Variants in SORCS2 observed in about 807,000 individuals in gnomAD.
SORCS2 encodes the protein VPS10 domain-containing receptor SorCS2.
SORCS2 carries 100 observed loss-of-function variants against 141.6 expected under a neutral mutation model. That is an observed-to-expected ratio of 0.71 (90% CI 0.60 to 0.83). The LOEUF (loss-of-function observed/expected upper bound fraction) is 0.83, where lower values mean the gene tolerates loss of function less well. SORCS2 is among the 40% of genes least tolerant of loss of function. The pLI is 0.00. For synonymous variants in SORCS2, 789 were observed against 676.9 expected (o/e 1.17, Z -2.57); for missense variants, 1,646 against 1,560.2 (o/e 1.05, Z -0.93).
intron 4 of SORCS2, among the ~76,000 whole-genome samples, chr4:7,641,777 AATGGATGGATGG>A (rs56032853): frequency 0.029 from 2,284 of 78,686 alleles, 55 homozygotes; most frequent in African/African-American, 0.055. Flanking sequence ...TGGATGGATA[AATGGATGGATGG>A]ATGGATGGAT....
At chr4:7,479,574 C>T (rs906211528) in intron 2 of SORCS2, among the ~76,000 whole-genome samples, 2 of 152,218 alleles carry the variant, frequency 1.3e-5, no homozygotes, top group African/African-American at 2.4e-5. Context: ...GCTGGAGCCC[C>T]CTACCCCTGC....
intron 1 of SORCS2, among the ~76,000 whole-genome samples, chr4:7,366,228 C>T (rs1721876005): frequency 6.6e-6 from 1 of 152,088 alleles, no homozygotes; most frequent in African/African-American, 2.4e-5. Flanking sequence ...CTTCCCTTTC[C>T]TCCCTTCCGT....
chr4:7,280,790 A>G (rs536982043), intron 1 of SORCS2, among the ~76,000 whole-genome samples: 1 of 152,188 alleles, frequency 6.6e-6, no homozygotes, highest in Non-Finnish European at 1.5e-5. Context: ...TGATTGTAGC[A>G]AGGGATGGAT....
At chr4:7,416,032 C>T (rs138283545) in intron 2 of SORCS2, among the ~76,000 whole-genome samples, 109 of 152,276 alleles carry the variant, frequency 7.2e-4, no homozygotes, top group African/African-American at 2.5e-3. Flanking sequence ...TGGAGGGACC[C>T]TAAGGAGTTT....
rs539153011 is a variant in SORCS2 at position 7,623,564 on chromosome 4, C to T, written c.649-14764C>T. Reference sequence around the variant, plus strand: ...GGGGCCTTCCAAACTCCCTGTTGCCCGACCTGTGGCATCCAGTCCTGCTCC... The same window carrying T: ...GGGGCCTTCCAAACTCCCTGTTGCCTGACCTGTGGCATCCAGTCCTGCTCC... On this transcript the variant is annotated intron_variant, in intron 3 of 26. Transcript: ENST00000507866. Among the ~76,000 whole-genome samples, 21 of 152,188 alleles carry T rather than the reference C, an allele frequency of 1.4e-4. 2 individuals carry two copies. The South Asian group carries it at 3.9e-3, about 29-fold the overall frequency.
intron 3 of SORCS2, among the ~76,000 whole-genome samples, chr4:7,583,131 C>G (rs1018903656): frequency 6.6e-5 from 10 of 152,202 alleles, no homozygotes; most frequent in African/African-American, 2.4e-4. Context: ...CAGCAGCCAC[C>G]TCTGTGGGAG....
intron 1 of SORCS2, among the ~76,000 whole-genome samples, chr4:7,228,310 G>T (rs1190699705): frequency 6.6e-6 from 1 of 152,164 alleles, no homozygotes; most frequent in Non-Finnish European, 1.5e-5. Flanking sequence ...AATAAATACA[G>T]ACGCATCCTG....
At chr4:7,258,196 C>T (rs183193386) in intron 1 of SORCS2, among the ~76,000 whole-genome samples, 5 of 152,250 alleles carry the variant, frequency 3.3e-5, no homozygotes, top group East Asian at 3.9e-4. Context: ...ATGTGCAGAA[C>T]GTGCAGGTTT....
At position 7,710,919 on chromosome 4, in the gene SORCS2, AC is replaced by A. The variant is rs531725430; in HGVS notation, c.1869-1810del. On this transcript the variant is annotated intron_variant, in intron 14 of 26. Coordinates refer to ENST00000507866, the MANE Select transcript of SORCS2 (RefSeq NM_020777.3). Reference sequence around the variant, plus strand: ...AGAAAGAATGGTCTGGGGCTCCTGAACCCCACGCACAGAGAAGAAAGCAGAT... The same window carrying A: ...AGAAAGAATGGTCTGGGGCTCCTGAACCCACGCACAGAGAAGAAAGCAGAT... 3.8e-3 allele frequency among the ~76,000 whole-genome samples: 573 copies of A among 152,274 alleles called. 5 individuals carry two copies. The highest frequency in any genetic ancestry group is 0.013 in the African/African-American group (557 of 41,550).
rs115977051 is a variant in SORCS2 at position 7,607,967 on chromosome 4, C to T, written c.649-30361C>T. ...TCCCCTGTGCTTTGGTTTGGGCTCT[C>T]GCAGAAGCAGAACCTGAAATGAGGA... On this transcript the variant is annotated intron_variant, in intron 3 of 26. Transcript: ENST00000507866. Among the ~76,000 whole-genome samples the T allele has an allele frequency of 6.1e-3, 924 of 152,196 alleles. 5 individuals carry two copies. Among genetic ancestry groups the T allele is most frequent in the Non-Finnish European group, 7.9e-3 (539 of 68,000 alleles).
chr4:7,388,921 G>T (rs1050043238), intron 1 of SORCS2, among the ~76,000 whole-genome samples: 3 of 152,124 alleles, frequency 2.0e-5, no homozygotes, highest in African/African-American at 7.2e-5. Flanking sequence ...TTGTGGTGTT[G>T]TGGTGAAGGA....
chr4:7,710,669 C>T (rs1196057063), intron 14 of SORCS2, among the ~76,000 whole-genome samples: 2 of 152,160 alleles, frequency 1.3e-5, no homozygotes, highest in East Asian at 3.9e-4. Flanking sequence ...CAGATGGCAC[C>T]CTCATCCCAA....
intron 2 of SORCS2, among the ~76,000 whole-genome samples, chr4:7,479,742 A>G (rs1039294533): frequency 1.3e-5 from 2 of 152,208 alleles, no homozygotes; most frequent in African/African-American, 4.8e-5. Context: ...CCAACTCTGC[A>G]TGGTTCTAGG....
chr4:7,204,225 T>A (rs1398514037), intron 1 of SORCS2, among the ~76,000 whole-genome samples: 1 of 152,142 alleles, frequency 6.6e-6, no homozygotes, highest in African/African-American at 2.4e-5. Context: ...GTCAGTTTTT[T>A]TTCTTCTTGA....
intron 3 of SORCS2, among the ~76,000 whole-genome samples, chr4:7,559,766 G>A (rs1714398632): frequency 6.6e-6 from 1 of 152,214 alleles, no homozygotes; most frequent in Non-Finnish European, 1.5e-5. Flanking sequence ...TCCCCCTCCG[G>A]GTGGTTGTAC....
intron 1 of SORCS2, among the ~76,000 whole-genome samples, chr4:7,216,053 A>G (rs1017705638): frequency 2.0e-5 from 3 of 152,116 alleles, no homozygotes; most frequent in Non-Finnish European, 1.5e-5. Flanking sequence ...TTGGGTCCAC[A>G]CTGCTTTTAT....
intron 2 of SORCS2, among the ~76,000 whole-genome samples, chr4:7,512,242 T>G (rs1732703089): frequency 6.6e-6 from 1 of 151,918 alleles, no homozygotes; most frequent in South Asian, 2.1e-4. Flanking sequence ...AAGGCATCTC[T>G]GTGGCCGCAT....
intron 3 of SORCS2, among the ~76,000 whole-genome samples, chr4:7,601,907 C>A: frequency 6.6e-6 from 1 of 152,148 alleles, no homozygotes; most frequent in East Asian, 1.9e-4. Context: ...ATCTGTTTAA[C>A]AAAGCACATC....
At chr4:7,316,993 G>T (rs1326801984) in intron 1 of SORCS2, among the ~76,000 whole-genome samples, 1 of 152,232 alleles carries the variant, frequency 6.6e-6, no homozygotes, top group East Asian at 1.9e-4. Context: ...GAATGCAAGC[G>T]CCCGGGGTCA....
Sources: gnomAD v4.1 joint callset for allele counts (sites outside exome capture counted in the v4.1 genomes callset) on GRCh38, gnomAD v4.1.1 for gene constraint, MANE v1.5 for transcripts, NCBI Gene and HGNC (gene_info 2026-07-23, HGNC 2026-07-21) for gene names.